Variants in MTSS1 observed in about 807,000 individuals in gnomAD.
The protein encoded by MTSS1 is protein MTSS 1.
In MTSS1, 18 loss-of-function variants were observed where a neutral mutation model predicts 79.0. That is an observed-to-expected ratio of 0.23 (90% CI 0.16 to 0.34). The LOEUF is 0.34. Among genes scored for constraint, MTSS1 ranks in the 10% least tolerant of loss-of-function variants. The pLI is 1.00. For synonymous variants in MTSS1, 341 were observed against 368.6 expected, an observed-to-expected ratio of 0.93 and a Z score of 0.86; for missense variants, 815 against 986.2, an observed-to-expected ratio of 0.83 and a Z score of 2.33.
At chr8:124,610,163 A>G (rs960460128) in intron 3 of MTSS1, among the ~76,000 whole-genome samples, 1 of 152,242 alleles carries the variant, frequency 6.6e-6, no homozygotes, top group African/African-American at 2.4e-5. Context: ...TGTGCAAGGT[A>G]TTAACAATAG....
chr8:124,629,183 G>A (rs1357653077), intron 3 of MTSS1, among the ~76,000 whole-genome samples: 1 of 152,124 alleles, frequency 6.6e-6, no homozygotes, highest in African/African-American at 2.4e-5. Context: ...CTCGAATTAA[G>A]GAGATTAAGC....
chr8:124,553,468 A>G lies in MTSS1; in HGVS notation c.1792T>C (p.Ser598Pro), dbSNP rs778346948. ...TIRRTPSTKP[S>P]VRRGTIGAGP... Reference sequence around the variant, plus strand: ...GCTCCAATGGTTCCCCGGCGGACAGAAGGCTTGGTGGAAGGGGTCCGTCGG... The same window carrying G: ...GCTCCAATGGTTCCCCGGCGGACAGGAGGCTTGGTGGAAGGGGTCCGTCGG... Residue 598 changes from serine (S) to proline (P), a missense_variant, in exon 14 of 14, where the codon TCT becomes CCT. Ser to Pro is a moderately conservative substitution (Grantham distance 74, BLOSUM62 -1). Around this residue, in one of 2 missense-constraint regions of MTSS1, gnomAD observed 590 missense variants for 620.8 expected, o/e 0.95. Transcript: ENST00000518547. The surrounding 1 kb of genome is among the most constrained non-coding windows in gnomAD (Gnocchi z 6.0). 11 of 1,610,140 alleles carry G rather than the reference A, an allele frequency of 6.8e-6. No individual in the cohort carries two copies. In the East Asian group the frequency reaches 2.0e-4, roughly 29 times the overall value.
At chr8:124,615,499 A>C (rs1836674929) in intron 3 of MTSS1, among the ~76,000 whole-genome samples, 1 of 152,218 alleles carries the variant, frequency 6.6e-6, no homozygotes, top group Non-Finnish European at 1.5e-5. Flanking sequence ...TTCCACTTCC[A>C]CGAGGTGTCT....
intron 3 of MTSS1, among the ~76,000 whole-genome samples, chr8:124,694,533 G>C (rs1828485556): frequency 6.6e-6 from 1 of 152,112 alleles, no homozygotes; most frequent in Non-Finnish European, 1.5e-5. Flanking sequence ...TGAAAATCAG[G>C]ATAGCTAGGC....
chr8:124,688,295 ATGT>A (rs1285410051), intron 3 of MTSS1, among the ~76,000 whole-genome samples: 4 of 151,066 alleles, frequency 2.6e-5, no homozygotes, highest in Non-Finnish European at 4.4e-5. Flanking sequence ...GTGTACGTGT[ATGT>A]TGTGAATGTA....
chr8:124,606,589 C>A (rs762060792), intron 3 of MTSS1, among the ~76,000 whole-genome samples: 40 of 152,198 alleles, frequency 2.6e-4, no homozygotes, highest in Non-Finnish European at 5.0e-4. Context: ...CCACTCCATT[C>A]TTGGGGGCAT....
chr8:124,601,591 A>T (rs1833825378), intron 3 of MTSS1, among the ~76,000 whole-genome samples: 1 of 152,222 alleles, frequency 6.6e-6, no homozygotes, highest in African/African-American at 2.4e-5. Flanking sequence ...CCCTGCTCTC[A>T]GAGAGCCCAG....
intron 3 of MTSS1, among the ~76,000 whole-genome samples, chr8:124,626,528 AG>A (rs1270054698): frequency 1.3e-5 from 2 of 152,284 alleles, no homozygotes; most frequent in African/African-American, 4.8e-5. Flanking sequence ...TCCAGTCAAA[AG>A]GATTTTGAGA....
At chr8:124,584,892 C>A (rs114916759) in intron 6 of MTSS1, among the ~76,000 whole-genome samples, 195 bp downstream of exon 6, 221 of 152,286 alleles carry the variant, frequency 1.5e-3, no homozygotes, top group African/African-American at 3.9e-3. Context: ...ACGTCAAGTA[C>A]CACTTGGCAA....
At position 124,557,603 on chromosome 8, in the gene MTSS1, G is replaced by A. The variant is rs574579828; in HGVS notation, c.1230+78C>T. 615 of 1,342,280 alleles carry A rather than the reference G, an allele frequency of 4.6e-4. 2 individuals carry two copies. The African/African-American group carries it at 8.1e-3, about 18-fold the overall frequency. 83.1% of individuals were successfully genotyped at this position (1,342,280 alleles called of 1,614,324 possible). A position where few individuals can be genotyped will look rare whatever the true frequency, so the allele number is the denominator to read the frequency against. ...AAAGGAAGGGGATGAGGGGATAGTC[G>A]GGGTGAGGGGGTTGGAACAGAAGAG... On this transcript the variant is annotated intron_variant, in intron 11 of 13. Coordinates refer to ENST00000518547, the MANE Select transcript of MTSS1 (RefSeq NM_014751.6).
intron 1 of MTSS1, among the ~76,000 whole-genome samples, chr8:124,719,595 TGACATGCAGTA>T (rs1426629472): frequency 6.6e-6 from 1 of 152,252 alleles, no homozygotes; most frequent in Non-Finnish European, 1.5e-5. Context: ...CAGCAGCACC[TGACATGCAGTA>T]GACATGCCAT....
At position 124,597,245 on chromosome 8, in the gene MTSS1, C is replaced by T. The variant is rs1402510084; in HGVS notation, c.209-6010G>A. ...ATCAGCCCCATGTTACAAATGAAAACACCTGAGGCTCAGGAGGGTTAACAA... is the reference window on the plus strand; with the variant it reads ...ATCAGCCCCATGTTACAAATGAAAATACCTGAGGCTCAGGAGGGTTAACAA... On this transcript the variant is annotated intron_variant, in intron 3 of 13. Coordinates refer to ENST00000518547, the MANE Select transcript of MTSS1 (RefSeq NM_014751.6). This position sits in a 1 kb window ranked among gnomAD's most constrained non-coding sequence, Gnocchi z 4.6. Among the ~76,000 whole-genome samples the T allele has an allele frequency of 5.3e-5, 8 of 152,114 alleles. No homozygotes were observed. Among genetic ancestry groups the T allele is most frequent in the Non-Finnish European group, 8.8e-5 (6 of 68,022 alleles).
intron 3 of MTSS1, among the ~76,000 whole-genome samples, chr8:124,662,803 T>C (rs1822311711): frequency 6.6e-6 from 1 of 152,170 alleles, no homozygotes; most frequent in Non-Finnish European, 1.5e-5. Flanking sequence ...AATTTTAAAG[T>C]CCTCCAAAAT....
At chr8:124,670,827 T>G (rs1273020275) in intron 3 of MTSS1, among the ~76,000 whole-genome samples, 1 of 152,006 alleles carries the variant, frequency 6.6e-6, no homozygotes, top group Non-Finnish European at 1.5e-5. Flanking sequence ...TTAAAAGAGG[T>G]GGTTTTAGCA....
chr8:124,556,225 G>A lies in MTSS1; in HGVS notation c.1404+7C>T, dbSNP rs1051970702. 13 of 1,614,210 alleles carry A rather than the reference G, an allele frequency of 8.1e-6. No individual in the cohort carries two copies. The highest frequency in any genetic ancestry group is 1.1e-5 in the Non-Finnish European group (13 of 1,180,024). The stretch of plus-strand genomic sequence containing the variant: ...CCCCAACCAGCTACTGAGAACAAGA[G>A]CATCACCCTGGTGGCAGCCGATACA... On this transcript the variant is annotated splice_region_variant and intron_variant, in intron 12 of 13. Transcript: ENST00000518547.
chr8:124,652,742 C>G (rs564601374), intron 3 of MTSS1, among the ~76,000 whole-genome samples: 1 of 150,140 alleles, frequency 6.7e-6, no homozygotes, highest in South Asian at 2.1e-4. Flanking sequence ...TTTCAGTGAG[C>G]CGAGATCGTG....
chr8:124,690,994 A>C (rs7014298), intron 3 of MTSS1, among the ~76,000 whole-genome samples: 1 of 152,092 alleles, frequency 6.6e-6, no homozygotes, highest in Non-Finnish European at 1.5e-5. Flanking sequence ...ACAAAGTCTG[A>C]AGTTTCATAG....
chr8:124,578,537 G>C (rs1343001775), intron 6 of MTSS1, among the ~76,000 whole-genome samples: 2 of 152,050 alleles, frequency 1.3e-5, no homozygotes, highest in Non-Finnish European at 2.9e-5. Context: ...GCTCACACCT[G>C]TAATCCCAGC....
intron 3 of MTSS1, among the ~76,000 whole-genome samples, chr8:124,653,481 T>C (rs947242549): frequency 1.3e-5 from 2 of 152,236 alleles, no homozygotes; most frequent in Admixed American, 6.5e-5. Flanking sequence ...CCCAGCACTT[T>C]GGGAGGCCAA....
Sources: allele counts gnomAD v4.1 joint callset (sites outside exome capture counted in the v4.1 genomes callset), GRCh38; gene constraint gnomAD v4.1.1; regional missense constraint gnomAD v4.1.1; non-coding constraint Gnocchi (gnomAD v3.1); transcripts MANE v1.5; gene names NCBI Gene and HGNC (gene_info 2026-07-23, HGNC 2026-07-21).